The following ALG1 variants were observed in gnomAD, a reference collection of about 807,000 sequenced individuals.
ALG1 encodes the protein ALG1 chitobiosyldiphosphodolichol beta-mannosyltransferase.
A neutral mutation model predicts 55.1 loss-of-function variants in ALG1; 58 were observed. That is an observed-to-expected ratio of 1.05 (90% confidence interval 0.85 to 1.31). ALG1 has a LOEUF of 1.31. Among genes scored for constraint, ALG1 ranks in the 50% most tolerant of loss-of-function variants. The pLI is 0.00. For missense variants in ALG1, 761 were observed against 598.6 expected, an observed-to-expected ratio of 1.27 and a Z score of -2.83; for synonymous variants, 309 against 247.0, an observed-to-expected ratio of 1.25 and a Z score of -2.35.
At position 5,081,154 on chromosome 16, in the gene ALG1, C is replaced by A. The variant is rs139849682; in HGVS notation, c.1072+98C>A. ...GGTGGCTCTGGAGGCCACTGGGGGA[C>A]GGGACCTGGGCTCTGGCTGAACTCC... On this transcript the variant is annotated intron_variant, in intron 10 of 12. Coordinates refer to ENST00000262374, the MANE Select transcript of ALG1 (RefSeq NM_019109.5). 9.0e-6 allele frequency: 12 copies of A among 1,328,338 alleles called. No individual in the cohort carries two copies. In the African/African-American group the frequency reaches 1.6e-4, roughly 18 times the overall value. The allele number at this position is 1,328,338 out of a possible 1,614,324, so 82.3% of individuals were successfully genotyped here.
Position 5,082,636 on chromosome 16 carries a change from G to A in ALG1, c.1150G>A (p.Gly384Arg), listed in dbSNP as rs1057520122. 18 of 1,611,750 alleles carry A rather than the reference G, an allele frequency of 1.1e-5. No individual in the cohort carries two copies. Among genetic ancestry groups the A allele is most frequent in the Admixed American group, 5.0e-5 (3 of 59,990 alleles). ...DLPMKVVDMF[G>R]CCLPVCAVNF... ...GCCCATGAAGGTGGTGGACATGTTC[G>A]GGTGCTGTTTGCCTGTGTGTGCTGT... The change falls in exon 11 of 13, where the codon GGG becomes AGG. Residue 384 changes from glycine (G) to arginine (R), a missense_variant. By Grantham distance (125) the Gly-to-Arg change is moderately radical. Transcript: ENST00000262374.
At chr16:5,079,188 T>C in intron 8 of ALG1, 86 bp downstream of exon 8, 3 of 1,536,302 alleles carry the variant, frequency 2.0e-6, no homozygotes, top group Admixed American at 1.8e-5. Flanking sequence ...AGCATGTTCC[T>C]GTCCCAGGCC....
chr16:5,073,979 T>G (rs780523504), intron 3 of ALG1, among the ~76,000 whole-genome samples: 3 of 152,224 alleles, frequency 2.0e-5, no homozygotes, highest in Non-Finnish European at 2.9e-5. Context: ...CGTCCCAAAG[T>G]GCTGGGATTA....
In ALG1 at chr16:5,086,334, C is replaced by CA. The variant is rs374671583; in HGVS notation, c.*1471dup. On this transcript the variant is annotated 3_prime_UTR_variant, in exon 13 of 13. Coordinates refer to ENST00000262374, the MANE Select transcript of ALG1 (RefSeq NM_019109.5). ...TGAGTGACAGGGTGAGACTAAGTCTCAAAAAAAAAAAAAAAAAACCACACG... is the reference window on the plus strand; with the variant it reads ...TGAGTGACAGGGTGAGACTAAGTCTCAAAAAAAAAAAAAAAAAAACCACACG... 2.3e-4 allele frequency among the ~76,000 whole-genome samples: 29 copies of CA among 128,268 alleles called. No individual in the cohort carries two copies. Among genetic ancestry groups the CA allele is most frequent in the African/African-American group, 7.0e-4 (24 of 34,514 alleles). 84.1% of individuals were successfully genotyped at this position (128,268 alleles called of 152,430 possible).
chr16:5,083,261 G>A (rs1957047725), intron 11 of ALG1, among the ~76,000 whole-genome samples: 1 of 152,198 alleles, frequency 6.6e-6, no homozygotes, highest in Non-Finnish European at 1.5e-5. Flanking sequence ...ATTTAGGGAT[G>A]TGAGCCCCTC....
intron 1 of ALG1, 116 bp downstream of exon 1, chr16:5,072,173 C>G (rs1956828385): frequency 6.6e-7 from 1 of 1,512,486 alleles, no homozygotes; most frequent in East Asian, 2.5e-5. Context: ...TTGGGCAGCT[C>G]TCCGAGATTA....
At position 5,077,895 on chromosome 16, in the gene ALG1, A is replaced by G; in HGVS notation, c.630-12A>G. ...CAGCCCTCCCAATAGCCCCGTCATG[A>G]TTTCATTGCAGGGCTGTGACCGTCT... On this transcript the variant is annotated splice_polypyrimidine_tract_variant and intron_variant, in intron 5 of 12. Coordinates refer to ENST00000262374, the MANE Select transcript of ALG1 (RefSeq NM_019109.5). 1 of 1,607,426 alleles carries G rather than the reference A, an allele frequency of 6.2e-7. No homozygotes were observed. Among genetic ancestry groups the G allele is most frequent in the Non-Finnish European group, 8.5e-7 (1 of 1,179,682 alleles).
intron 1 of ALG1, 51 bp from the exon 2 acceptor site, chr16:5,072,900 A>G: frequency 6.5e-7 from 1 of 1,530,816 alleles, no homozygotes; most frequent in Non-Finnish European, 9.1e-7. Flanking sequence ...AGATTATCTG[A>G]CTTTAGATTG....
chr16:5,075,441 T>G lies in ALG1; in HGVS notation c.444T>G (p.Cys148Trp). The G allele has an allele frequency of 2.5e-6, 4 of 1,614,198 alleles. No individual in the cohort carries two copies. Among genetic ancestry groups the G allele is most frequent in the Non-Finnish European group, 3.4e-6 (4 of 1,180,036 alleles). ...IAVCWFVGCL[C>W]GSKLVIDWHN... is the part of the protein sequence containing the mutation. Reference sequence around the variant, plus strand: ...TCTGCTGGTTCGTGGGCTGCCTTTGTGGAAGCAAGCTCGTCATTGACTGGC... The same window carrying G: ...TCTGCTGGTTCGTGGGCTGCCTTTGGGGAAGCAAGCTCGTCATTGACTGGC... The change falls in exon 4 of 13, where the codon TGT becomes TGG. Residue 148 changes from cysteine to tryptophan, a missense_variant. Transcript: ENST00000262374.
intron 4 of ALG1, among the ~76,000 whole-genome samples, chr16:5,076,897 C>G (rs1387632207): frequency 6.7e-6 from 1 of 148,550 alleles, no homozygotes; most frequent in Non-Finnish European, 1.5e-5. Context: ...TGGGTTCAAG[C>G]AATTCTCCTG....
At chr16:5,073,453 A>C (rs1956855562) in intron 3 of ALG1, 197 bp downstream of exon 3, 1 of 630,226 alleles carries the variant, frequency 1.6e-6, no homozygotes, top group Non-Finnish European at 2.8e-6. Flanking sequence ...ATAGTCTTAC[A>C]TTGTACTGAC....
intron 3 of ALG1, 142 bp from the exon 4 acceptor site, chr16:5,075,246 G>A (rs903489554): frequency 7.4e-6 from 7 of 943,692 alleles, no homozygotes; most frequent in African/African-American, 1.6e-5. Flanking sequence ...TTTTGGTGGT[G>A]GAGAGGGTCT....
In ALG1 at chr16:5,075,477, C is replaced by G. The variant is rs140674382; in HGVS notation, c.480C>G (p.Gly160=). Residue 160 remains glycine (G), a synonymous_variant, in exon 4 of 13, where the codon GGC becomes GGG. Transcript: ENST00000262374. ...SKLVIDWHNY[G]YSIMGLVHGP... ...TCGTCATTGACTGGCACAACTATGG[C>G]TACTCCATCATGGGTCTGGTGCATG... 1 of 1,614,066 alleles carries G rather than the reference C, an allele frequency of 6.2e-7. No homozygotes were observed. Among genetic ancestry groups the G allele is most frequent in the South Asian group, 1.1e-5 (1 of 91,090 alleles).
At chr16:5,077,007 C>G (rs191367355) in intron 4 of ALG1, among the ~76,000 whole-genome samples, 2 of 152,098 alleles carry the variant, frequency 1.3e-5, no homozygotes, top group East Asian at 3.9e-4. Context: ...GTTGGCCAGG[C>G]TGGTCTCGAA....
rs1956830732 is a variant in ALG1 at position 5,072,319 on chromosome 16, G to C, written c.208+262G>C. 3 of 1,368,092 alleles carry C rather than the reference G, an allele frequency of 2.2e-6. No homozygotes were observed. In the African/African-American group the frequency reaches 4.4e-5, roughly 20 times the overall value. 84.7% of individuals were successfully genotyped at this position (1,368,092 alleles called of 1,614,324 possible). Reference sequence around the variant, plus strand: ...AATTCTCCTAGTAAGTGGAACCCAGGTGCGTGGAACTCCAGGGCTAGTGCT... The same window carrying C: ...AATTCTCCTAGTAAGTGGAACCCAGCTGCGTGGAACTCCAGGGCTAGTGCT... On this transcript the variant is annotated intron_variant, in intron 1 of 12. Transcript: ENST00000262374.
In ALG1 at chr16:5,078,831, G is replaced by A. The variant is rs560302928; in HGVS notation, c.815G>A (p.Arg272His). 1.9e-5 allele frequency: 30 copies of A among 1,612,168 alleles called. No individual in the cohort carries two copies. The Admixed American group carries it at 4.2e-4, about 22-fold the overall frequency. Reference protein sequence around the residue: ...ERDAGSGLVTRLRERPALLVS... With the variant: ...ERDAGSGLVTHLRERPALLVS... Reference sequence around the variant, plus strand: ...GATGCTGGGAGCGGGCTGGTGACGCGTCTCCGTGAGCGGCCAGCCCTGCTG... The same window carrying A: ...GATGCTGGGAGCGGGCTGGTGACGCATCTCCGTGAGCGGCCAGCCCTGCTG... Residue 272 changes from arginine to histidine, a missense_variant, in exon 7 of 13, where the codon CGT becomes CAT. Arg to His is a conservative substitution (Grantham distance 29). Transcript: ENST00000262374.
chr16:5,085,570 T>C lies in ALG1; in HGVS notation c.*689T>C, dbSNP rs1957126522. 6.7e-6 allele frequency: 8 copies of C among 1,196,820 alleles called. 1 individual carries two copies. The highest frequency in any genetic ancestry group is 4.8e-5 in the South Asian group (4 of 82,648). 74.1% of individuals were successfully genotyped at this position (1,196,820 alleles called of 1,614,324 possible). A position where few individuals can be genotyped will look rare whatever the true frequency, so the allele number is the denominator to read the frequency against. ...TGAAAGTTTTATCCGCTTTCCCATATAAAAATTCTTCCCATGAGAGTGACT... is the reference window on the plus strand; with the variant it reads ...TGAAAGTTTTATCCGCTTTCCCATACAAAAATTCTTCCCATGAGAGTGACT... On this transcript the variant is annotated 3_prime_UTR_variant, in exon 13 of 13. Transcript: ENST00000262374.
In ALG1 at chr16:5,084,665, C is replaced by A. The variant is rs1416957738; in HGVS notation, c.1264-85C>A. 3 of 1,584,484 alleles carry A rather than the reference C, an allele frequency of 1.9e-6. 1 individual carries two copies. In the African/African-American group the frequency reaches 4.0e-5, roughly 21 times the overall value. Reference sequence around the variant, plus strand: ...GACTTGGGAGGGGTTGTTGTTGGGTCGGGGACCTGGGGTCAGCCAGGTGGT... The same window carrying A: ...GACTTGGGAGGGGTTGTTGTTGGGTAGGGGACCTGGGGTCAGCCAGGTGGT... On this transcript the variant is annotated intron_variant, in intron 12 of 12. Coordinates refer to ENST00000262374, the MANE Select transcript of ALG1 (RefSeq NM_019109.5).
Position 5,077,545 on chromosome 16 carries a change from C to T in ALG1, c.629+11C>T, listed in dbSNP as rs776701190. The stretch of plus-strand genomic sequence containing the variant: ...TAACTGGCACATCAGGTACCATGGC[C>T]TGGGATGACGGCGGCCTGGGAGAGG... On this transcript the variant is annotated intron_variant, in intron 5 of 12. Transcript: ENST00000262374. The T allele has an allele frequency of 1.7e-5, 27 of 1,613,866 alleles. 1 individual carries two copies. The highest frequency in any genetic ancestry group is 3.3e-4 in the Middle Eastern group (2 of 6,080).
Sources: gnomAD v4.1 joint callset for allele counts (sites outside exome capture counted in the v4.1 genomes callset) on GRCh38, gnomAD v4.1.1 for gene constraint, MANE v1.5 for transcripts, NCBI Gene and HGNC (gene_info 2026-07-23, HGNC 2026-07-21) for gene names.